Variants in RARS1 observed in about 807,000 individuals in gnomAD.
RARS1 encodes arginyl-tRNA synthetase 1, also known as arginine--tRNA ligase, cytoplasmic.
Under a neutral mutation model 78.7 loss-of-function variants are expected in RARS1, and 75 were observed. That is an observed-to-expected ratio of 0.95 (90% CI 0.79 to 1.15). The LOEUF (loss-of-function observed/expected upper bound fraction) is 1.15, where lower values mean the gene tolerates loss of function less well. Among genes scored for constraint, RARS1 ranks in the 50% most tolerant of loss-of-function variants. RARS1 has a pLI of 0.00. For synonymous variants in RARS1, 273 were observed against 268.2 expected, an observed-to-expected ratio of 1.02 and a Z score of -0.18; for missense variants, 787 against 787.5, an observed-to-expected ratio of 1.00 and a Z score of 0.01.
chr5:168,502,244 CTATACCTTCT>C, intron 9 of RARS1, 139 bp downstream of exon 9: 1 of 1,238,724 alleles, frequency 8.1e-7, no homozygotes, highest in South Asian at 2.2e-5. Flanking sequence ...CTTATTGTAT[CTATACCTTCT>C]TACACTGCTT....
At chr5:168,505,730 AAAAAAG>A in intron 9 of RARS1, among the ~76,000 whole-genome samples, 1 of 151,888 alleles carries the variant, frequency 6.6e-6, no homozygotes, top group African/African-American at 2.4e-5. Flanking sequence ...AAAAAAAAAA[AAAAAAG>A]CAGTTGGGAA....
intron 7 of RARS1, among the ~76,000 whole-genome samples, chr5:168,499,221 G>A (rs1026475668): frequency 3.3e-5 from 5 of 151,972 alleles, no homozygotes; most frequent in East Asian, 1.9e-4. Context: ...GGAGGTGGGA[G>A]GATCACCCAA....
At chr5:168,515,463 A>G (rs544992959) in intron 12 of RARS1, among the ~76,000 whole-genome samples, 1 of 152,282 alleles carries the variant, frequency 6.6e-6, no homozygotes, top group South Asian at 2.1e-4. Flanking sequence ...CATTACAGGC[A>G]TGGCTCATCT....
intron 14 of RARS1, 29 bp from the exon 15 acceptor site, chr5:168,519,052 T>A: frequency 6.4e-7 from 1 of 1,564,562 alleles, no homozygotes; most frequent in Non-Finnish European, 8.8e-7. Flanking sequence ...GAAAACAAGT[T>A]AATTAACAAC....
intron 8 of RARS1, among the ~76,000 whole-genome samples, chr5:168,501,493 C>T (rs377032066): frequency 4.6e-5 from 7 of 152,172 alleles, no homozygotes; most frequent in African/African-American, 1.2e-4. Flanking sequence ...GAGGCCGAGG[C>T]GGGTGGATCA....
At chr5:168,488,484 G>A (rs887246085) in intron 1 of RARS1, 118 bp from the exon 2 acceptor site, 29 of 1,172,224 alleles carry the variant, frequency 2.5e-5, no homozygotes, top group Non-Finnish European at 3.1e-5. Flanking sequence ...AGAGGAGAAA[G>A]AAACACAGCT....
chr5:168,514,528 TAA>T (rs2113031756), intron 12 of RARS1, among the ~76,000 whole-genome samples: 1 of 152,360 alleles, frequency 6.6e-6, no homozygotes, highest in East Asian at 1.9e-4. Context: ...TTGAACATGT[TAA>T]TCATAGTTTT....
At position 168,514,368 on chromosome 5, in the gene RARS1, G is replaced by A. The variant is rs1028129709; in HGVS notation, c.1453-2410G>A. On this transcript the variant is annotated intron_variant, in intron 12 of 14. Transcript: ENST00000231572. ...CATATGTTAGAACTTTGTATCTCACGTGTTTCTTATGCTCTAATTCATTTT... is the reference window on the plus strand; with the variant it reads ...CATATGTTAGAACTTTGTATCTCACATGTTTCTTATGCTCTAATTCATTTT... Among the ~76,000 whole-genome samples the A allele has an allele frequency of 9.8e-4, 149 of 152,112 alleles. 1 individual carries two copies. The highest frequency in any genetic ancestry group is 2.1e-4 in the South Asian group (1 of 4,820).
rs767828812 is a variant in RARS1 at position 168,495,367 on chromosome 5, A to G, written c.632A>G (p.His211Arg). 1.2e-6 allele frequency: 2 copies of G among 1,614,070 alleles called. No individual in the cohort carries two copies. The highest frequency in any genetic ancestry group is 1.7e-6 in the Non-Finnish European group (2 of 1,179,978). ...PNIAKEMHVG[H>R]LRSTIIGESI... ...ATAGCTAAAGAGATGCATGTAGGCCACCTGAGGTCAACTATCATAGGAGAG... is the reference window on the plus strand; with the variant it reads ...ATAGCTAAAGAGATGCATGTAGGCCGCCTGAGGTCAACTATCATAGGAGAG... Residue 211 changes from histidine (H) to arginine (R), a missense_variant, in exon 6 of 15, where the codon CAC becomes CGC. Transcript: ENST00000231572.
In RARS1 at chr5:168,492,108, GA is replaced by G. The variant is rs1010716680; in HGVS notation, c.181-550del. 4.6e-5 allele frequency among the ~76,000 whole-genome samples: 7 copies of G among 152,218 alleles called. No homozygotes were observed. The South Asian group carries it at 6.2e-4, about 14-fold the overall frequency. ...TGAGGGTATGATAAGTGCAGTAATAGAGATAATTATATGCCATCTTAAATGA... is the reference window on the plus strand; with the variant it reads ...TGAGGGTATGATAAGTGCAGTAATAGGATAATTATATGCCATCTTAAATGA... On this transcript the variant is annotated intron_variant, in intron 2 of 14. Transcript: ENST00000231572.
At chr5:168,495,258 T>C in intron 5 of RARS1, 57 bp from the exon 6 acceptor site, 1 of 1,556,656 alleles carries the variant, frequency 6.4e-7, no homozygotes, top group Non-Finnish European at 8.7e-7. Flanking sequence ...TAAAAAAATC[T>C]TTCTCTCTTT....
At chr5:168,497,191 T>C (rs919874584) in intron 6 of RARS1, 37 bp from the exon 7 acceptor site, 1 of 1,359,698 alleles carries the variant, frequency 7.4e-7, no homozygotes, top group Non-Finnish European at 9.6e-7. Flanking sequence ...ATCTTTATTA[T>C]TTAAAAAATG....
At chr5:168,497,686 TTCA>T (rs902832119) in intron 7 of RARS1, among the ~76,000 whole-genome samples, 1 of 151,528 alleles carries the variant, frequency 6.6e-6, no homozygotes, top group Non-Finnish European at 1.5e-5. Context: ...ATAAAATTTG[TTCA>T]TCTACACTGG....
chr5:168,518,449 G>A (rs1758721573), intron 14 of RARS1, among the ~76,000 whole-genome samples: 1 of 152,082 alleles, frequency 6.6e-6, no homozygotes, highest in East Asian at 1.9e-4. Context: ...TGCCCAATCA[G>A]TCTACTTTTC....
At position 168,516,963 on chromosome 5, in the gene RARS1, A is replaced by G. The variant is rs745332515; in HGVS notation, c.1625+13A>G. On this transcript the variant is annotated intron_variant, in intron 13 of 14. Coordinates refer to ENST00000231572, the MANE Select transcript of RARS1 (RefSeq NM_002887.4). ...TCACTAGAATCAGGTAATTGTGGGTAGGCATTGTTTTATTGTGAATCAAAT... is the reference window on the plus strand; with the variant it reads ...TCACTAGAATCAGGTAATTGTGGGTGGGCATTGTTTTATTGTGAATCAAAT... 1 of 1,610,562 alleles carries G rather than the reference A, an allele frequency of 6.2e-7. No individual in the cohort carries two copies. Among genetic ancestry groups the G allele is most frequent in the Non-Finnish European group, 8.5e-7 (1 of 1,176,972 alleles).
rs764785069 is a variant in RARS1, at chr5:168,495,372, AG to A, written c.639del (p.Arg213SerfsTer5). 12 of 1,613,938 alleles carry A rather than the reference AG, an allele frequency of 7.4e-6. No individual in the cohort carries two copies. The highest frequency in any genetic ancestry group is 1.0e-5 in the Non-Finnish European group (12 of 1,179,986). ...IAKEMHVGHL[R>X]STIIGESISR... is the part of the protein sequence containing the mutation. ...TAAAGAGATGCATGTAGGCCACCTG[AG>A]GTCAACTATCATAGGAGAGAGTATA... is the stretch of plus-strand genomic sequence containing the variant. On this transcript the variant is annotated frameshift_variant, in exon 6 of 15. Coordinates refer to ENST00000231572, the MANE Select transcript of RARS1 (RefSeq NM_002887.4). LOFTEE classifies it high-confidence loss of function.
At chr5:168,497,149 A>G in intron 6 of RARS1, 79 bp from the exon 7 acceptor site, 2 of 1,142,048 alleles carry the variant, frequency 1.8e-6, no homozygotes, top group Non-Finnish European at 2.3e-6. Flanking sequence ...GTGGTTCCTA[A>G]TGGAATATAG....
chr5:168,506,866 A>G (rs1380734806), intron 11 of RARS1, 35 bp downstream of exon 11: 3 of 1,481,288 alleles, frequency 2.0e-6, no homozygotes, highest in Non-Finnish European at 2.8e-6. Flanking sequence ...GTAATGATAT[A>G]CTTGATCCCA....
intron 12 of RARS1, among the ~76,000 whole-genome samples, chr5:168,516,174 G>A (rs1934577471): frequency 6.6e-6 from 1 of 152,090 alleles, no homozygotes; most frequent in South Asian, 2.1e-4. Flanking sequence ...ACTTCAACCA[G>A]TTGTTTCATA....
Sources: gnomAD v4.1 joint callset for allele counts (sites outside exome capture counted in the v4.1 genomes callset) on GRCh38, gnomAD v4.1.1 for gene constraint, MANE v1.5 for transcripts, NCBI Gene and HGNC (gene_info 2026-07-23, HGNC 2026-07-21) for gene names.